The following SLC25A33 variants were observed in gnomAD, a reference collection of about 807,000 sequenced individuals.
SLC25A33 encodes solute carrier family 25 member 33, also known as bone marrow stromal cell mitochondrial carrier protein.
SLC25A33 carries 15 observed loss-of-function variants against 35.5 expected under a neutral mutation model. That is an observed-to-expected ratio of 0.42 (90% CI 0.28 to 0.65). The LOEUF is 0.65. SLC25A33 is among the 30% of genes least tolerant of loss of function. SLC25A33 has a pLI of 0.20. For missense variants in SLC25A33, 257 were observed against 398.5 expected (o/e 0.64, Z 3.02); for synonymous variants, 136 against 148.7 (o/e 0.91, Z 0.62).
At chr1:9,544,102 C>T (rs569340990) in intron 1 of SLC25A33, among the ~76,000 whole-genome samples, 76 of 151,886 alleles carry the variant, frequency 5.0e-4, no homozygotes, top group Non-Finnish European at 9.9e-4. Context: ...GAGAGAGACT[C>T]CATCTCAGAA....
chr1:9,549,800 T>C (rs1325829326), intron 1 of SLC25A33, among the ~76,000 whole-genome samples: 1 of 150,424 alleles, frequency 6.6e-6, no homozygotes, highest in Non-Finnish European at 1.5e-5. Flanking sequence ...TTTGTATTTT[T>C]AGTGGAGACA....
intron 3 of SLC25A33, among the ~76,000 whole-genome samples, chr1:9,568,781 G>T (rs1047765066): frequency 6.6e-6 from 1 of 152,030 alleles, no homozygotes; most frequent in Non-Finnish European, 1.5e-5. Context: ...AACCCGGGAG[G>T]CGGAGCTTGC....
At chr1:9,572,720 T>G (rs544844165) in intron 4 of SLC25A33, among the ~76,000 whole-genome samples, 1 of 152,274 alleles carries the variant, frequency 6.6e-6, no homozygotes, top group Non-Finnish European at 1.5e-5. Context: ...TATGTCAGAC[T>G]GATACCATGG....
chr1:9,543,207 G>GA (rs1420389950), intron 1 of SLC25A33, among the ~76,000 whole-genome samples: 1 of 151,222 alleles, frequency 6.6e-6, no homozygotes, highest in African/African-American at 2.4e-5. Context: ...GCAGTGGTGC[G>GA]ATCTCAGCTC....
chr1:9,540,237 G>A (rs934357111), intron 1 of SLC25A33, among the ~76,000 whole-genome samples: 2 of 152,200 alleles, frequency 1.3e-5, no homozygotes, highest in African/African-American at 2.4e-5. Flanking sequence ...GACGTTGGAC[G>A]TCAGCAAGGC....
chr1:9,553,248 A>T (rs1237157044), intron 1 of SLC25A33, among the ~76,000 whole-genome samples: 1 of 71,712 alleles, frequency 1.4e-5, no homozygotes, highest in Admixed American at 2.1e-4. Flanking sequence ...TTTGTTTGAG[A>T]CGGAGTCTTG....
intron 1 of SLC25A33, among the ~76,000 whole-genome samples, chr1:9,551,422 T>C (rs1297598935): frequency 1.3e-5 from 2 of 152,240 alleles, no homozygotes; most frequent in East Asian, 3.9e-4. Flanking sequence ...TCATGGGGAT[T>C]TTACTTCATT....
At chr1:9,561,189 C>T (rs1049057777) in intron 2 of SLC25A33, among the ~76,000 whole-genome samples, 4 of 152,122 alleles carry the variant, frequency 2.6e-5, no homozygotes, top group East Asian at 1.9e-4. Context: ...GTGATCCGCC[C>T]GCTTCGGCCT....
At chr1:9,570,389 C>T in intron 4 of SLC25A33, 31 bp downstream of exon 4, 2 of 1,535,158 alleles carry the variant, frequency 1.3e-6, no homozygotes, top group South Asian at 1.1e-5. Context: ...AAGAGAGGGT[C>T]TCTCTCTCAC....
chr1:9,560,291 A>G (rs1643403421), intron 2 of SLC25A33, among the ~76,000 whole-genome samples: 1 of 151,584 alleles, frequency 6.6e-6, no homozygotes, highest in African/African-American at 2.4e-5. Context: ...ACCCATGCAA[A>G]TAACATGGTC....
chr1:9,567,919 A>G (rs1643534449), intron 3 of SLC25A33, among the ~76,000 whole-genome samples: 1 of 152,228 alleles, frequency 6.6e-6, no homozygotes, highest in Non-Finnish European at 1.5e-5. Context: ...CACATGGAGC[A>G]GTTTAAATGT....
chr1:9,569,814 T>A (rs1409913811), intron 3 of SLC25A33, among the ~76,000 whole-genome samples: 1 of 152,104 alleles, frequency 6.6e-6, no homozygotes, highest in Non-Finnish European at 1.5e-5. Flanking sequence ...TATGATATGA[T>A]GGCTGTTCCT....
intron 2 of SLC25A33, among the ~76,000 whole-genome samples, chr1:9,559,548 A>T (rs1643391153): frequency 6.6e-6 from 1 of 151,764 alleles, no homozygotes; most frequent in South Asian, 2.1e-4. Flanking sequence ...CAAAAAAAAA[A>T]GGTGGGGGGG....
intron 1 of SLC25A33, among the ~76,000 whole-genome samples, chr1:9,548,170 A>G (rs1643208688): frequency 6.6e-6 from 1 of 152,150 alleles, no homozygotes. Context: ...GTCTGTGCCC[A>G]GCCATGGCCT....
chr1:9,559,587 A>G (rs1569856582), intron 2 of SLC25A33, among the ~76,000 whole-genome samples: 1 of 152,104 alleles, frequency 6.6e-6, no homozygotes, highest in African/African-American at 2.4e-5. Flanking sequence ...TCTCATGTGA[A>G]GAAAGCATAC....
chr1:9,543,859 A>G (rs569197272), intron 1 of SLC25A33, among the ~76,000 whole-genome samples: 649 of 152,312 alleles, frequency 4.3e-3, no homozygotes, highest in Non-Finnish European at 7.6e-3. Context: ...TAATGCCAGC[A>G]CTGTGGGAGG....
chr1:9,553,513 G>A (rs1335800155), intron 1 of SLC25A33, 113 bp from the exon 2 acceptor site: 28 of 1,218,974 alleles, frequency 2.3e-5, no homozygotes, highest in South Asian at 1.3e-4. Context: ...GATTACAGGC[G>A]TGAGCCACCG....
intron 1 of SLC25A33, 45 bp downstream of exon 1, chr1:9,539,792 C>T (rs1643048165): frequency 1.5e-6 from 2 of 1,309,400 alleles, no homozygotes; most frequent in African/African-American, 1.6e-5. Flanking sequence ...GCCTGCGGTC[C>T]CCTCGGCCTT....
In SLC25A33 at chr1:9,582,530, T is replaced by C; in HGVS notation, c.*29T>C. 1 of 1,572,384 alleles carries C rather than the reference T, an allele frequency of 6.4e-7. No homozygotes were observed. The highest frequency in any genetic ancestry group is 8.6e-7 in the Non-Finnish European group (1 of 1,156,582). On this transcript the variant is annotated 3_prime_UTR_variant, in exon 7 of 7. Transcript: ENST00000302692. This position sits in a 1 kb window ranked among gnomAD's most constrained non-coding sequence, Gnocchi z 4.0. ...GCCGGAAAATTGTGCTCTAGAAGAATAAAACTGAAAAACTCTAGAGAATTT... is the reference window on the plus strand; with the variant it reads ...GCCGGAAAATTGTGCTCTAGAAGAACAAAACTGAAAAACTCTAGAGAATTT...
Sources: allele counts gnomAD v4.1 joint callset (sites outside exome capture counted in the v4.1 genomes callset), GRCh38; gene constraint gnomAD v4.1.1; non-coding constraint Gnocchi (gnomAD v3.1); transcripts MANE v1.5; gene names NCBI Gene and HGNC (gene_info 2026-07-23, HGNC 2026-07-21).